The following MRC1 variants were observed in gnomAD, a reference collection of about 807,000 sequenced individuals.
MRC1 encodes mannose receptor C-type 1.
Under a neutral mutation model 102.9 loss-of-function variants are expected in MRC1, and 62 were observed. That is an observed-to-expected ratio of 0.60 (90% CI 0.49 to 0.74). MRC1 has a LOEUF of 0.74. Among genes scored for constraint, MRC1 ranks in the 30% least tolerant of loss-of-function variants. MRC1 has a pLI of 0.00. For missense variants in MRC1, 1,237 were observed against 862.8 expected (o/e 1.43, Z -5.43); for synonymous variants, 457 against 298.4 (o/e 1.53, Z -5.48).
intron 6 of MRC1, among the ~76,000 whole-genome samples, chr10:17,846,912 T>A (rs1025833966): frequency 1.3e-5 from 2 of 152,252 alleles, no homozygotes; most frequent in South Asian, 4.1e-4. Flanking sequence ...ATACATTCTA[T>A]GCACATCATT....
intron 5 of MRC1, among the ~76,000 whole-genome samples, chr10:17,841,218 A>G (rs1185939322): frequency 6.6e-6 from 1 of 152,246 alleles, no homozygotes; most frequent in Non-Finnish European, 1.5e-5. Flanking sequence ...ATTAGCCAAC[A>G]TCTCTTTGTA....
chr10:17,844,856 G>C (rs553635048), intron 5 of MRC1, among the ~76,000 whole-genome samples: 1 of 152,070 alleles, frequency 6.6e-6, no homozygotes, highest in Non-Finnish European at 1.5e-5. Flanking sequence ...GCATTAATTC[G>C]CTTAGGATAA....
intron 22 of MRC1, among the ~76,000 whole-genome samples, chr10:17,890,473 T>C (rs2130704248): frequency 6.6e-6 from 1 of 152,326 alleles, no homozygotes; most frequent in East Asian, 1.9e-4. Flanking sequence ...AGTCTTCATT[T>C]CTCTTAAGGT....
At chr10:17,883,558 G>A (rs990433824) in intron 21 of MRC1, among the ~76,000 whole-genome samples, 11 of 152,112 alleles carry the variant, frequency 7.2e-5, no homozygotes, top group African/African-American at 1.7e-4. Flanking sequence ...AAGAGTAAGC[G>A]TATAGCAATG....
intron 12 of MRC1, among the ~76,000 whole-genome samples, chr10:17,868,774 C>T (rs1432753623): frequency 6.6e-6 from 1 of 152,130 alleles, no homozygotes; most frequent in Non-Finnish European, 1.5e-5. Context: ...GTCACTCCCA[C>T]TAATAGAAAT....
chr10:17,815,061 G>A (rs903904532), intron 1 of MRC1, among the ~76,000 whole-genome samples: 25 of 152,178 alleles, frequency 1.6e-4, no homozygotes, highest in African/African-American at 2.4e-4. Flanking sequence ...ATTTTGCCAA[G>A]TTAACAATAA....
rs1466414284 is a variant in MRC1, at chr10:17,845,406, C to A, written c.1034C>A (p.Thr345Asn). The change falls in exon 6 of 30, where the codon ACC (threonine) becomes AAC (asparagine). Residue 345 changes from threonine to asparagine, a missense_variant. Physicochemically the swap from Thr to Asn is moderately conservative, Grantham distance 65. Transcript: ENST00000569591. Reference sequence around the variant, plus strand: ...GGCTATATTTGCAAAAAGGGCAACACCACTTTAAATTCTTTTGTTATTCCC... The same window carrying A: ...GGCTATATTTGCAAAAAGGGCAACAACACTTTAAATTCTTTTGTTATTCCC... Reference protein sequence around the residue: ...KLGYICKKGNTTLNSFVIPSE... With the variant: ...KLGYICKKGNNTLNSFVIPSE... 19 of 780,824 alleles carry A rather than the reference C, an allele frequency of 2.4e-5. No individual in the cohort carries two copies. The highest frequency in any genetic ancestry group is 3.8e-5 in the Non-Finnish European group (16 of 417,960). The allele number at this position is 780,824 out of a possible 1,614,324, so 48.4% of individuals were successfully genotyped here.
rs782129143 is a variant in MRC1, at chr10:17,907,537, C to T, written c.3917C>T (p.Thr1306Met). 2.8e-4 allele frequency: 218 copies of T among 780,806 alleles called. No individual in the cohort carries two copies. Among genetic ancestry groups the T allele is most frequent in the African/African-American group, 1.1e-3 (67 of 59,248 alleles). 48.4% of individuals were successfully genotyped at this position (780,806 alleles called of 1,614,324 possible). ...ATTGGTTTTATCTGATGACCAGGGA[C>T]GTGGCTGTGGATAAATAACAGTCCG... The part of the protein sequence containing the change: ...WIGLFRNVEG[T>M]WLWINNSPVS... Residue 1306 changes from threonine (T) to methionine (M), a missense_variant, in exon 28 of 30, where the codon ACG (threonine) becomes ATG (methionine). Coordinates refer to ENST00000569591, the MANE Select transcript of MRC1 (RefSeq NM_002438.4).
intron 3 of MRC1, among the ~76,000 whole-genome samples, chr10:17,828,297 C>T (rs1356351829): frequency 5.9e-5 from 9 of 151,432 alleles, no homozygotes; most frequent in Non-Finnish European, 1.3e-4. Context: ...AGGATGGTCT[C>T]GATCTGCTAA....
intron 12 of MRC1, among the ~76,000 whole-genome samples, chr10:17,867,416 T>C (rs1833292445): frequency 6.7e-6 from 1 of 149,702 alleles, no homozygotes; most frequent in Non-Finnish European, 1.5e-5. Flanking sequence ...TCTTCTTTTC[T>C]CTCTCTCTCC....
chr10:17,890,807 G>C (rs963713751), intron 22 of MRC1, among the ~76,000 whole-genome samples: 7 of 152,290 alleles, frequency 4.6e-5, no homozygotes, highest in Non-Finnish European at 8.8e-5. Context: ...TCCATGGCCT[G>C]TTAGGAACTG....
chr10:17,883,919 G>T (rs929541904), intron 21 of MRC1, among the ~76,000 whole-genome samples: 2 of 152,148 alleles, frequency 1.3e-5, no homozygotes, highest in African/African-American at 4.8e-5. Flanking sequence ...GAACTGATAA[G>T]CAAGAAGCCA....
chr10:17,900,673 C>T (rs1833817162), intron 24 of MRC1, 115 bp from the exon 25 acceptor site: 1 of 756,560 alleles, frequency 1.3e-6, no homozygotes, highest in Non-Finnish European at 2.4e-6. Context: ...CTCAAATGTT[C>T]CAGGTTCTAT....
chr10:17,877,926 A>G lies in MRC1; in HGVS notation c.2577A>G (p.Ala859=), dbSNP rs1833460034. The G allele has an allele frequency of 1.1e-6, 1 of 872,244 alleles. No individual in the cohort carries two copies. Among genetic ancestry groups the G allele is most frequent in the Admixed American group, 1.7e-5 (1 of 59,166 alleles). The allele number at this position is 872,244 out of a possible 1,614,324, so 54.0% of individuals were successfully genotyped here. Residue 859 remains alanine, a synonymous_variant, in exon 18 of 30, where the codon GCA becomes GCG. Transcript: ENST00000569591. The part of the protein sequence containing the change: ...KYVNRNDAQS[A]YFIGLLISLD... ...TAAACAGAAATGATGCACAGTCTGC[A>G]TATTTTATTGGTTTATTGATCAGCT...
chr10:17,908,797 G>A (rs1430110253), intron 28 of MRC1, among the ~76,000 whole-genome samples: 4 of 152,164 alleles, frequency 2.6e-5, no homozygotes, highest in African/African-American at 9.7e-5. Flanking sequence ...TCGAACTCCG[G>A]ACCTCAGGTG....
intron 2 of MRC1, among the ~76,000 whole-genome samples, chr10:17,826,540 A>G (rs1838479069): frequency 6.7e-6 from 1 of 148,828 alleles, no homozygotes; most frequent in Non-Finnish European, 1.5e-5. Flanking sequence ...ATGAATTCCT[A>G]CCTAGGATAA....
At chr10:17,836,981 A>C (rs1838674689) in intron 4 of MRC1, among the ~76,000 whole-genome samples, 1 of 152,096 alleles carries the variant, frequency 6.6e-6, no homozygotes, top group Admixed American at 6.5e-5. Flanking sequence ...AAGCCTGGGG[A>C]CAGAGCACAG....
rs1305806217 is a variant in MRC1, at chr10:17,833,846, A to G, written c.802+7A>G. ...GAGCAAACATACCTGACAGGTAAGGACATGAAAAGTCTCAAGTAAAATCAT... is the reference window on the plus strand; with the variant it reads ...GAGCAAACATACCTGACAGGTAAGGGCATGAAAAGTCTCAAGTAAAATCAT... On this transcript the variant is annotated splice_region_variant and intron_variant, in intron 4 of 29. Coordinates refer to ENST00000569591, the MANE Select transcript of MRC1 (RefSeq NM_002438.4). 1 of 780,628 alleles carries G rather than the reference A, an allele frequency of 1.3e-6. No individual in the cohort carries two copies. The highest frequency in any genetic ancestry group is 2.4e-6 in the Non-Finnish European group (1 of 417,976). 48.4% of individuals were successfully genotyped at this position (780,628 alleles called of 1,614,324 possible). A position where few individuals can be genotyped will look rare whatever the true frequency, so the allele number is the denominator to read the frequency against.
intron 18 of MRC1, among the ~76,000 whole-genome samples, chr10:17,879,041 T>C (rs1327304324): frequency 6.6e-6 from 1 of 151,836 alleles, no homozygotes; most frequent in African/African-American, 2.4e-5. Flanking sequence ...AGAGAATGAG[T>C]CTAATGAGAA....
Sources: allele counts gnomAD v4.1 joint callset (sites outside exome capture counted in the v4.1 genomes callset), GRCh38; gene constraint gnomAD v4.1.1; transcripts MANE v1.5; gene names NCBI Gene and HGNC (gene_info 2026-07-23, HGNC 2026-07-21).